Variants in MAP3K7CL observed in about 807,000 individuals in gnomAD.
MAP3K7CL encodes the protein MAP3K7 C-terminal-like protein.
In MAP3K7CL, 16 loss-of-function variants were observed where a neutral mutation model predicts 18.6. That is an observed-to-expected ratio of 0.86 (90% CI 0.58 to 1.31). The LOEUF is 1.31. Among genes scored for constraint, MAP3K7CL ranks in the 50% most tolerant of loss-of-function variants. The pLI, the probability that MAP3K7CL is intolerant of heterozygous loss-of-function variation, is 0.00. For missense variants in MAP3K7CL, 163 were observed against 174.4 expected (o/e 0.93, Z 0.37); for synonymous variants, 65 against 66.8 (o/e 0.97, Z 0.13).
intron 3 of MAP3K7CL, chr21:29,092,320 C>CT (rs1248856616): frequency 8.0e-7 from 1 of 1,251,002 alleles, no homozygotes; most frequent in East Asian, 2.4e-5. Flanking sequence ...ACAACCCTCT[C>CT]TAAAGAGGAG....
chr21:29,160,661 T>G (rs2087524454), intron 4 of MAP3K7CL, among the ~76,000 whole-genome samples: 1 of 152,216 alleles, frequency 6.6e-6, no homozygotes, highest in African/African-American at 2.4e-5. Context: ...TCCCATTCTT[T>G]TATACTTGCA....
chr21:29,167,644 A>G (rs1421188590), intron 4 of MAP3K7CL, among the ~76,000 whole-genome samples: 1 of 149,944 alleles, frequency 6.7e-6, no homozygotes, highest in African/African-American at 2.5e-5. Flanking sequence ...TTCGGGAGGG[A>G]GAGGGTGTCA....
intron 4 of MAP3K7CL, among the ~76,000 whole-genome samples, chr21:29,118,548 A>G (rs1285717092): frequency 6.6e-6 from 1 of 152,198 alleles, no homozygotes; most frequent in Non-Finnish European, 1.5e-5. Flanking sequence ...TACTCAGTGC[A>G]TTAGCAGGAG....
At chr21:29,091,773 T>C in intron 3 of MAP3K7CL, 1 of 702,458 alleles carries the variant, frequency 1.4e-6, no homozygotes, top group Non-Finnish European at 2.6e-6. Flanking sequence ...TATGAACTAC[T>C]GCACCTGGCC....
chr21:29,127,379 G>A (rs945324363), upstream of MAP3K7CL, among the ~76,000 whole-genome samples: 4 of 152,092 alleles, frequency 2.6e-5, no homozygotes, highest in Non-Finnish European at 5.9e-5. Context: ...CATCCTTTCT[G>A]GATTGAATTT....
intron 3 of MAP3K7CL, among the ~76,000 whole-genome samples, chr21:29,156,165 T>C (rs1178681395): frequency 1.3e-5 from 2 of 152,216 alleles, no homozygotes; most frequent in African/African-American, 4.8e-5. Context: ...CCTCCTGATG[T>C]GAAAAATAAT....
intron 2 of MAP3K7CL, among the ~76,000 whole-genome samples, chr21:29,148,257 A>G (rs73192202): frequency 0.082 from 12,469 of 152,026 alleles, 549 homozygotes; most frequent in South Asian, 0.14. Flanking sequence ...TGTACTGTAT[A>G]TGTATCTGTA....
At chr21:29,080,047 A>T (rs1286304029) in intron 1 of MAP3K7CL, among the ~76,000 whole-genome samples, 23 of 152,206 alleles carry the variant, frequency 1.5e-4, no homozygotes, top group Admixed American at 1.5e-3. Flanking sequence ...TATTGGTGAT[A>T]CCTTAGATAT....
At chr21:29,087,393 C>T (rs2085942734) in intron 1 of MAP3K7CL, among the ~76,000 whole-genome samples, 1 of 152,014 alleles carries the variant, frequency 6.6e-6, no homozygotes, top group African/African-American at 2.4e-5. Context: ...AGAATTTGGA[C>T]CAAATATGTT....
intron 2 of MAP3K7CL, among the ~76,000 whole-genome samples, chr21:29,142,276 A>G (rs1379869731): frequency 6.6e-6 from 1 of 152,164 alleles, no homozygotes; most frequent in Non-Finnish European, 1.5e-5. Flanking sequence ...CATGTTACCT[A>G]GGCTTGTCTC....
At chr21:29,150,045 A>C (rs979440883) in intron 3 of MAP3K7CL, among the ~76,000 whole-genome samples, 8 of 152,082 alleles carry the variant, frequency 5.3e-5, no homozygotes, top group African/African-American at 1.9e-4. Context: ...TTTTCTCCTA[A>C]ATATTGATTT....
intron 1 of MAP3K7CL, among the ~76,000 whole-genome samples, chr21:29,089,814 A>C (rs2085990831): frequency 1.3e-5 from 2 of 149,318 alleles, no homozygotes; most frequent in African/African-American, 4.9e-5. Flanking sequence ...GGAAGGAAGA[A>C]AGGGAGGAAG....
At chr21:29,096,951 G>T (rs1272081733) in intron 4 of MAP3K7CL, among the ~76,000 whole-genome samples, 2 of 152,140 alleles carry the variant, frequency 1.3e-5, no homozygotes, top group Non-Finnish European at 2.9e-5. Flanking sequence ...CAACTGAAAA[G>T]AAAAAGGAGG....
chr21:29,137,018 G>A (rs1207632657), intron 2 of MAP3K7CL, among the ~76,000 whole-genome samples: 7 of 152,170 alleles, frequency 4.6e-5, no homozygotes, highest in African/African-American at 7.2e-5. Flanking sequence ...TGTAAGATGC[G>A]TATAGTAGTA....
chr21:29,134,924 G>T (rs552600281), intron 2 of MAP3K7CL, among the ~76,000 whole-genome samples: 1 of 151,338 alleles, frequency 6.6e-6, no homozygotes, highest in Non-Finnish European at 1.5e-5. Flanking sequence ...GGTGGCGGGC[G>T]CCTGTAGTCC....
intron 2 of MAP3K7CL, among the ~76,000 whole-genome samples, chr21:29,134,437 C>T (rs568992382): frequency 6.6e-6 from 1 of 152,210 alleles, no homozygotes; most frequent in Non-Finnish European, 1.5e-5. Context: ...TCTGATGTCA[C>T]ACAACCATTG....
At chr21:29,106,604 A>T (rs1430116806) in intron 4 of MAP3K7CL, among the ~76,000 whole-genome samples, 2 of 152,150 alleles carry the variant, frequency 1.3e-5, no homozygotes, top group African/African-American at 4.8e-5. Flanking sequence ...CCAGTTCGGG[A>T]ACATGACCTC....
intron 2 of MAP3K7CL, among the ~76,000 whole-genome samples, chr21:29,147,869 T>A (rs1001098316): frequency 2.0e-5 from 3 of 151,802 alleles, no homozygotes; most frequent in African/African-American, 4.8e-5. Flanking sequence ...CTGTACTGTA[T>A]CTCTATTATA....
chr21:29,137,986 G>A (rs1223535057), intron 2 of MAP3K7CL, among the ~76,000 whole-genome samples: 2 of 152,180 alleles, frequency 1.3e-5, no homozygotes, highest in African/African-American at 4.8e-5. Flanking sequence ...ATTAGATAAT[G>A]TAATGGGATG....
Sources: allele counts gnomAD v4.1 joint callset (sites outside exome capture counted in the v4.1 genomes callset), GRCh38; gene constraint gnomAD v4.1.1; transcripts MANE v1.5; gene names NCBI Gene and HGNC (gene_info 2026-07-23, HGNC 2026-07-21).